PRKN: variants seen among roughly 807,000 people sequenced by gnomAD.
PRKN encodes the protein parkin RBR E3 ubiquitin protein ligase.
A neutral mutation model predicts 59.5 loss-of-function variants in PRKN; 56 were observed. The ratio of observed to expected loss-of-function variants is 0.94; its 90% CI spans 0.76 to 1.18. The LOEUF is 1.18. Among genes scored for constraint, PRKN ranks in the 50% most tolerant of loss-of-function variants. The pLI is 0.00. For missense variants in PRKN, 657 were observed against 596.4 expected, an observed-to-expected ratio of 1.10 and a Z score of -1.06; for synonymous variants, 250 against 222.1, an observed-to-expected ratio of 1.13 and a Z score of -1.12.
chr6:161,747,758 T>C (rs896571196), intron 7 of PRKN, among the ~76,000 whole-genome samples: 9 of 152,188 alleles, frequency 5.9e-5, no homozygotes, highest in Admixed American at 3.3e-4. Flanking sequence ...GAGGATTTGC[T>C]CTAAGCACCT....
At chr6:162,351,258 A>T (rs1469818293) in intron 2 of PRKN, among the ~76,000 whole-genome samples, 1 of 152,180 alleles carries the variant, frequency 6.6e-6, no homozygotes, top group Admixed American at 6.5e-5. Context: ...ACCCAATAAA[A>T]AAATGGGCAA....
In PRKN at chr6:161,548,772, A is replaced by G. The variant is rs1779884548; in HGVS notation, c.1083+82T>C. The G allele has an allele frequency of 7.8e-7, 1 of 1,281,288 alleles. No individual in the cohort carries two copies. Among genetic ancestry groups the G allele is most frequent in the Non-Finnish European group, 1.1e-6 (1 of 901,830 alleles). The allele number at this position is 1,281,288 out of a possible 1,614,324, so 79.4% of individuals were successfully genotyped here. ...TAAGTCCAAAGGGAAAATGAAAATAAAATAAAAATATAATCCCAGCCCATG... is the reference window on the plus strand; with the variant it reads ...TAAGTCCAAAGGGAAAATGAAAATAGAATAAAAATATAATCCCAGCCCATG... On this transcript the variant is annotated intron_variant, in intron 9 of 11. Transcript: ENST00000366898. The surrounding 1 kb of genome is among the most constrained non-coding windows in gnomAD (Gnocchi z 4.2).
intron 6 of PRKN, among the ~76,000 whole-genome samples, chr6:161,927,544 G>A (rs146563078): frequency 5.1e-4 from 78 of 152,174 alleles, no homozygotes; most frequent in African/African-American, 1.9e-3. Flanking sequence ...TAAGGGAAAT[G>A]TTATTAGTTT....
chr6:162,141,338 T>C (rs1388058288), intron 4 of PRKN, among the ~76,000 whole-genome samples: 1 of 152,066 alleles, frequency 6.6e-6, no homozygotes, highest in Non-Finnish European at 1.5e-5. Flanking sequence ...TGAAAGTATA[T>C]AACTAAGCCT....
rs1351427567 is a variant in PRKN at position 161,581,300 on chromosome 6, AAAG to A, written c.872-11887_872-11885del. 6.6e-6 allele frequency among the ~76,000 whole-genome samples: 1 copy of A among 152,176 alleles called. No homozygotes were observed. Among genetic ancestry groups the A allele is most frequent in the Non-Finnish European group, 1.5e-5 (1 of 68,028 alleles). On this transcript the variant is annotated intron_variant, in intron 7 of 11. Coordinates refer to ENST00000366898, the MANE Select transcript of PRKN (RefSeq NM_004562.3). The surrounding 1 kb of genome is among the most constrained non-coding windows in gnomAD (Gnocchi z 4.5). Reference sequence around the variant, plus strand: ...AGCTACTGCAGTGAAAGAACCTGTCAAAGGTCATTTCACTACTTCTGTGCTGTC... The same window carrying A: ...AGCTACTGCAGTGAAAGAACCTGTCAGTCATTTCACTACTTCTGTGCTGTC...
intron 2 of PRKN, among the ~76,000 whole-genome samples, chr6:162,390,989 T>C (rs779342794): frequency 6.6e-6 from 1 of 152,202 alleles, no homozygotes; most frequent in Non-Finnish European, 1.5e-5. Flanking sequence ...TTAATTCAGA[T>C]GCTGAATTTT....
chr6:161,685,474 A>G (rs543512075), intron 7 of PRKN, among the ~76,000 whole-genome samples: 1 of 152,362 alleles, frequency 6.6e-6, no homozygotes, highest in Non-Finnish European at 1.5e-5. Context: ...CCCTTTTCAG[A>G]CATCTAACAG....
At chr6:162,308,072 T>A (rs946243921) in intron 2 of PRKN, among the ~76,000 whole-genome samples, 1 of 152,148 alleles carries the variant, frequency 6.6e-6, no homozygotes, top group African/African-American at 2.4e-5. Context: ...TGCAAATGCA[T>A]GGGTGGTGAC....
chr6:162,014,701 C>T (rs980855304), intron 5 of PRKN, among the ~76,000 whole-genome samples: 1 of 152,106 alleles, frequency 6.6e-6, no homozygotes, highest in Non-Finnish European at 1.5e-5. Flanking sequence ...TAAATGGCTA[C>T]TCTGACACCT....
At chr6:162,002,595 T>G (rs1249121392) in intron 5 of PRKN, among the ~76,000 whole-genome samples, 1 of 149,148 alleles carries the variant, frequency 6.7e-6, no homozygotes, top group Admixed American at 6.7e-5. Flanking sequence ...TTTTTTTTGC[T>G]TCATTCATTT....
At chr6:162,626,581 G>A (rs547530441) in intron 1 of PRKN, among the ~76,000 whole-genome samples, 110 of 152,208 alleles carry the variant, frequency 7.2e-4, no homozygotes, top group Admixed American at 1.4e-3. Flanking sequence ...TTGGAAAGCC[G>A]CGGAGGGTGG....
intron 2 of PRKN, among the ~76,000 whole-genome samples, chr6:162,298,386 C>T (rs1026139538): frequency 3.3e-5 from 5 of 152,054 alleles, no homozygotes; most frequent in African/African-American, 1.2e-4. Context: ...AACAGCTTCG[C>T]ACCATGAATA....
chr6:162,182,123 C>T (rs1429088130), intron 4 of PRKN, among the ~76,000 whole-genome samples: 2 of 152,124 alleles, frequency 1.3e-5, no homozygotes, highest in Admixed American at 6.6e-5. Context: ...TTTGCATCCA[C>T]CAGTTTCTAC....
At chr6:161,716,507 CCAAA>C (rs1786984760) in intron 7 of PRKN, among the ~76,000 whole-genome samples, 1 of 152,232 alleles carries the variant, frequency 6.6e-6, no homozygotes, top group South Asian at 2.1e-4. Context: ...CCTCTTTCTC[CCAAA>C]CAAACAAATA....
intron 1 of PRKN, among the ~76,000 whole-genome samples, chr6:162,528,921 A>C (rs2128195787): frequency 6.6e-6 from 1 of 152,282 alleles, no homozygotes; most frequent in South Asian, 2.1e-4. Context: ...TGTGTCGCCC[A>C]GGCTGGAGTG....
intron 6 of PRKN, among the ~76,000 whole-genome samples, chr6:161,900,821 ATAT>A (rs914324813): frequency 2.1e-5 from 3 of 142,042 alleles, no homozygotes; most frequent in Non-Finnish European, 4.5e-5. Flanking sequence ...TATGTAATAT[ATAT>A]TATGTATTGT....
intron 6 of PRKN, among the ~76,000 whole-genome samples, chr6:161,865,487 G>C (rs1159708810): frequency 1.3e-5 from 2 of 152,128 alleles, no homozygotes; most frequent in East Asian, 3.9e-4. Context: ...TACAACAGAA[G>C]GCTGTTTCAT....
At chr6:161,819,048 C>T (rs2128215623) in intron 6 of PRKN, among the ~76,000 whole-genome samples, 1 of 152,260 alleles carries the variant, frequency 6.6e-6, no homozygotes, top group African/African-American at 2.4e-5. Flanking sequence ...TGAAAATGTA[C>T]ATTGCATTCA....
chr6:162,131,062 T>C (rs1316127499), intron 4 of PRKN, among the ~76,000 whole-genome samples: 2 of 152,220 alleles, frequency 1.3e-5, no homozygotes, highest in African/African-American at 4.8e-5. Flanking sequence ...TTCAAAATCC[T>C]TCCTTTCCCT....
Sources: gnomAD v4.1 joint callset for allele counts (sites outside exome capture counted in the v4.1 genomes callset) on GRCh38, gnomAD v4.1.1 for gene constraint, Gnocchi (gnomAD v3.1) non-coding constraint, MANE v1.5 for transcripts, NCBI Gene and HGNC (gene_info 2026-07-23, HGNC 2026-07-21) for gene names.